NR1H4: variants seen among roughly 807,000 people sequenced by gnomAD.
NR1H4 encodes bile acid receptor.
NR1H4 carries 23 observed loss-of-function variants against 58.5 expected under a neutral mutation model. The observed-to-expected ratio is 0.39, with a 90% CI of 0.28 to 0.56. The LOEUF (loss-of-function observed/expected upper bound fraction) is 0.56, where lower values mean the gene tolerates loss of function less well. NR1H4 is among the 20% of genes least tolerant of loss of function. The pLI is 0.58. For synonymous variants in NR1H4, 214 were observed against 198.0 expected (o/e 1.08, Z -0.68); for missense variants, 487 against 576.9 (o/e 0.84, Z 1.60).
chr12:100,479,174 A>G (rs1048158180), intron 1 of NR1H4, among the ~76,000 whole-genome samples: 8 of 152,020 alleles, frequency 5.3e-5, no homozygotes, highest in African/African-American at 1.9e-4. Context: ...ATCCATTTTT[A>G]TATATTTAGC....
At chr12:100,540,890 C>A in intron 9 of NR1H4, 72 bp downstream of exon 9, 11 of 1,459,864 alleles carry the variant, frequency 7.5e-6, no homozygotes, top group Middle Eastern at 1.7e-4. Context: ...GAGGGTGGGG[C>A]TCTTGCCAAT....
chr12:100,476,831 G>A (rs1403025087), intron 1 of NR1H4, among the ~76,000 whole-genome samples: 2 of 152,084 alleles, frequency 1.3e-5, no homozygotes, highest in African/African-American at 4.8e-5. Context: ...AGGCTGCAGT[G>A]AGCTATGATA....
intron 9 of NR1H4, among the ~76,000 whole-genome samples, chr12:100,548,478 C>T (rs1468295594): frequency 6.6e-6 from 1 of 152,034 alleles, no homozygotes; most frequent in African/African-American, 2.4e-5. Context: ...TGTCATCTCT[C>T]ATCAGAATAT....
chr12:100,481,261 G>A (rs981291752), intron 1 of NR1H4, among the ~76,000 whole-genome samples: 13 of 151,344 alleles, frequency 8.6e-5, no homozygotes, highest in Non-Finnish European at 1.5e-4. Flanking sequence ...ATCCAATTAA[G>A]TATTTGAAAA....
chr12:100,549,162 C>A (rs537754873), intron 9 of NR1H4, among the ~76,000 whole-genome samples: 2 of 152,224 alleles, frequency 1.3e-5, no homozygotes, highest in South Asian at 4.1e-4. Context: ...CACAGTGAAA[C>A]CCCATCCCTA....
intron 1 of NR1H4, among the ~76,000 whole-genome samples, 191 bp from the exon 2 acceptor site, chr12:100,492,312 C>T (rs1263429843): frequency 6.6e-6 from 1 of 151,878 alleles, no homozygotes; most frequent in African/African-American, 2.4e-5. Context: ...CATACTTATC[C>T]AAAAAACCCA....
intron 10 of NR1H4, among the ~76,000 whole-genome samples, 159 bp from the exon 11 acceptor site, chr12:100,563,090 CGT>C (rs1434574492): frequency 6.6e-6 from 1 of 152,142 alleles, no homozygotes; most frequent in African/African-American, 2.4e-5. Flanking sequence ...GTTATAATTA[CGT>C]GTGTGTGCAT....
chr12:100,543,057 C>T (rs1471488629), intron 9 of NR1H4, among the ~76,000 whole-genome samples: 3 of 151,774 alleles, frequency 2.0e-5, no homozygotes, highest in East Asian at 1.9e-4. Flanking sequence ...GAGAGAGCTC[C>T]GAAAAAGTTT....
chr12:100,525,335 T>C (rs1362963196), intron 4 of NR1H4: 1 of 152,118 alleles, frequency 6.6e-6, no homozygotes, highest in Non-Finnish European at 1.5e-5. Context: ...TAGTTGCCAA[T>C]ATGGGTATCC....
intron 9 of NR1H4, among the ~76,000 whole-genome samples, chr12:100,549,433 A>G (rs999886937): frequency 1.3e-5 from 2 of 152,140 alleles, no homozygotes; most frequent in Non-Finnish European, 2.9e-5. Context: ...ATAATCCTGA[A>G]GTGTTACACA....
intron 9 of NR1H4, among the ~76,000 whole-genome samples, chr12:100,557,574 G>A (rs1481110708): frequency 1.3e-5 from 2 of 152,192 alleles, no homozygotes; most frequent in Non-Finnish European, 2.9e-5. Context: ...TACCCAATAG[G>A]TAATCTTTCA....
rs552559914 is a variant in NR1H4 at position 100,527,218 on chromosome 12, A to G, written c.446-5240A>G. Among the ~76,000 whole-genome samples the G allele has an allele frequency of 1.5e-4, 23 of 152,370 alleles. No individual in the cohort carries two copies. The South Asian group carries it at 1.7e-3, about 11-fold the overall frequency. ...GTAAACTTCCTACTAAAAGGACAGC[A>G]TAAGGCAGTGGTTAAGAGCACAGAG... is the stretch of plus-strand genomic sequence containing the variant. On this transcript the variant is annotated intron_variant, in intron 4 of 10. Coordinates refer to ENST00000392986, the MANE Select transcript of NR1H4 (RefSeq NM_001206979.2).
intron 1 of NR1H4, among the ~76,000 whole-genome samples, chr12:100,481,901 G>A (rs1225862770): frequency 1.3e-5 from 2 of 151,752 alleles, no homozygotes; most frequent in African/African-American, 2.4e-5. Context: ...GTGACAGAGC[G>A]AGACTCCATC....
chr12:100,518,536 C>T (rs928603285), intron 4 of NR1H4, among the ~76,000 whole-genome samples: 1 of 152,150 alleles, frequency 6.6e-6, no homozygotes, highest in African/African-American at 2.4e-5. Flanking sequence ...TGGGTTGGAA[C>T]CAGGCAGGGC....
At chr12:100,493,802 GC>G (rs1953654311) in intron 3 of NR1H4, among the ~76,000 whole-genome samples, 1 of 152,114 alleles carries the variant, frequency 6.6e-6, no homozygotes, top group Non-Finnish European at 1.5e-5. Flanking sequence ...TTATAGCTGG[GC>G]AGATTTCCTT....
Position 100,545,641 on chromosome 12 carries a change from C to CAAAAA in NR1H4, c.1078+4847_1078+4851dup, listed in dbSNP as rs35404680. ...TGGGTGACAGAGTGAGACCTTGTCT[C>CAAAAA]AAAAAAAAAAAAAAAAAAAAAAAAA... On this transcript the variant is annotated intron_variant, in intron 9 of 10. Coordinates refer to ENST00000392986, the MANE Select transcript of NR1H4 (RefSeq NM_001206979.2). 6.0e-3 allele frequency among the ~76,000 whole-genome samples: 47 copies of CAAAAA among 7,840 alleles called. 4 individuals are homozygous for CAAAAA. Among genetic ancestry groups the CAAAAA allele is most frequent in the African/African-American group, 0.019 (37 of 1,912 alleles). The allele number at this position is 7,840 out of a possible 152,430, so 5.1% of individuals were successfully genotyped here. A position where few individuals can be genotyped will look rare whatever the true frequency, so the allele number is the denominator to read the frequency against.
intron 9 of NR1H4, among the ~76,000 whole-genome samples, chr12:100,551,980 G>A (rs182768241): frequency 2.0e-5 from 3 of 152,228 alleles, no homozygotes; most frequent in African/African-American, 4.8e-5. Flanking sequence ...GTCTGTACAC[G>A]TTCATTACAG....
At chr12:100,554,663 G>A (rs1332587215) in intron 9 of NR1H4, among the ~76,000 whole-genome samples, 2 of 152,104 alleles carry the variant, frequency 1.3e-5, no homozygotes, top group African/African-American at 2.4e-5. Context: ...ACTTTTCCAT[G>A]GCAAAGTCTT....
Position 100,536,508 on chromosome 12 carries a change from G to A in NR1H4, c.733-4G>A, listed in dbSNP as rs999699094. On this transcript the variant is annotated splice_polypyrimidine_tract_variant and splice_region_variant and intron_variant, in intron 6 of 10. Coordinates refer to ENST00000392986, the MANE Select transcript of NR1H4 (RefSeq NM_001206979.2). ...TAACACCTTTTATTTTCTTGCCAGTGTAGGAGAAAACTGAACTCACCCCAG... is the reference window on the plus strand; with the variant it reads ...TAACACCTTTTATTTTCTTGCCAGTATAGGAGAAAACTGAACTCACCCCAG... The A allele has an allele frequency of 1.3e-6, 2 of 1,574,058 alleles. No homozygotes were observed. Among genetic ancestry groups the A allele is most frequent in the Non-Finnish European group, 1.7e-6 (2 of 1,144,092 alleles).
Sources: allele counts gnomAD v4.1 joint callset (sites outside exome capture counted in the v4.1 genomes callset), GRCh38; gene constraint gnomAD v4.1.1; transcripts MANE v1.5; gene names NCBI Gene and HGNC (gene_info 2026-07-23, HGNC 2026-07-21).